STPG4: variants seen among roughly 807,000 people sequenced by gnomAD.
STPG4 encodes sperm-tail PG-rich repeat containing 4, also known as protein STPG4.
In STPG4, 41 loss-of-function variants were observed where a neutral mutation model predicts 31.5. The observed-to-expected ratio is 1.30, with a 90% CI of 1.01 to 1.69. The LOEUF (loss-of-function observed/expected upper bound fraction) is 1.69, where lower values mean the gene tolerates loss of function less well. Among genes scored for constraint, STPG4 ranks in the 40% most tolerant of loss-of-function variants. The probability of loss-of-function intolerance (pLI) is 0.00; values close to 1 mark genes in which losing one functional copy is unlikely to be tolerated. For missense variants in STPG4, 375 were observed against 293.4 expected (o/e 1.28, Z -2.03); for synonymous variants, 141 against 103.0 (o/e 1.37, Z -2.24).
intron 3 of STPG4, among the ~76,000 whole-genome samples, chr2:47,132,838 C>A (rs1573186093): frequency 6.6e-6 from 1 of 152,176 alleles, no homozygotes; most frequent in African/African-American, 2.4e-5. Flanking sequence ...GGGGAAAAAA[C>A]CTCTTAAAGC....
At chr2:47,126,815 G>A (rs772981501) in intron 5 of STPG4, among the ~76,000 whole-genome samples, 5 of 151,498 alleles carry the variant, frequency 3.3e-5, no homozygotes, top group South Asian at 2.1e-4. Flanking sequence ...TTTTTCTTTC[G>A]GCACTTTAAA....
chr2:47,091,878 GA>G (rs1685575969), intron 5 of STPG4, among the ~76,000 whole-genome samples: 1 of 151,864 alleles, frequency 6.6e-6, no homozygotes, highest in South Asian at 2.1e-4. Context: ...TTCCAAAAGT[GA>G]AAACTGGGAA....
At chr2:47,146,809 A>C (rs562515547) in intron 3 of STPG4, among the ~76,000 whole-genome samples, 3 of 151,692 alleles carry the variant, frequency 2.0e-5, no homozygotes, top group Non-Finnish European at 2.9e-5. Context: ...AAAACCAAAA[A>C]TGAGGATAGG....
intron 5 of STPG4, among the ~76,000 whole-genome samples, chr2:47,125,736 T>TC (rs1686352782): frequency 6.6e-6 from 1 of 151,838 alleles, no homozygotes; most frequent in Non-Finnish European, 1.5e-5. Context: ...TTTTTTTTTT[T>TC]TAACTAGAGA....
intron 6 of STPG4, among the ~76,000 whole-genome samples, chr2:47,089,426 G>A (rs942673382): frequency 6.6e-6 from 1 of 152,148 alleles, no homozygotes; most frequent in African/African-American, 2.4e-5. Context: ...GAGGTGATTT[G>A]CAGCCCAGGC....
intron 5 of STPG4, among the ~76,000 whole-genome samples, chr2:47,091,068 T>TTCTAAAAATTAA (rs1352695969): frequency 7.0e-6 from 1 of 143,034 alleles, no homozygotes; most frequent in Non-Finnish European, 1.5e-5. Context: ...GGGAAGGGGG[T>TTCTAAAAATTAA]TCTAAAAATT....
chr2:47,146,586 G>A (rs1686825152), intron 3 of STPG4, among the ~76,000 whole-genome samples: 1 of 147,036 alleles, frequency 6.8e-6, no homozygotes, highest in Non-Finnish European at 1.5e-5. Context: ...AAAAGGAATT[G>A]GATATACAAG....
At chr2:47,151,930 T>G (rs922878117) in intron 2 of STPG4, among the ~76,000 whole-genome samples, 5 of 151,636 alleles carry the variant, frequency 3.3e-5, no homozygotes, top group African/African-American at 9.7e-5. Flanking sequence ...TTTTTTTTTT[T>G]TTTTTTGTAT....
rs778161731 is a variant in STPG4 at position 47,151,330 on chromosome 2, C to G, written c.327G>C (p.Lys109Asn). 2.0e-5 allele frequency: 33 copies of G among 1,614,040 alleles called. No individual in the cohort carries two copies. The highest frequency in any genetic ancestry group is 2.7e-5 in the Non-Finnish European group (32 of 1,180,010). ...YMPPDFLDLL[K>N]KQVATYSFKD... The stretch of plus-strand genomic sequence containing the variant: ...TGAATGAGTAAGTAGCCACTTGCTT[C>G]TTTAACAGGTCCAGGAAGTCAGGAG... Residue 109 changes from lysine (K) to asparagine (N), a missense_variant, in exon 3 of 7, where the codon AAG (lysine) becomes AAC (asparagine). Lys to Asn is a moderately conservative substitution (Grantham distance 94). Coordinates refer to ENST00000445927, the MANE Select transcript of STPG4 (RefSeq NM_001163561.2).
chr2:47,099,753 G>A (rs186593944), intron 5 of STPG4, among the ~76,000 whole-genome samples: 21 of 152,358 alleles, frequency 1.4e-4, no homozygotes, highest in Admixed American at 3.9e-4. Context: ...AGTGGGAACC[G>A]GGGCTGCGCG....
intron 3 of STPG4, among the ~76,000 whole-genome samples, chr2:47,136,065 A>G (rs577124233): frequency 6.6e-6 from 1 of 152,336 alleles, no homozygotes; most frequent in Non-Finnish European, 1.5e-5. Context: ...TTAAAGATCA[A>G]ATTGGGAAGA....
At chr2:47,139,619 G>A (rs1371123904) in intron 3 of STPG4, among the ~76,000 whole-genome samples, 1 of 151,956 alleles carries the variant, frequency 6.6e-6, no homozygotes, top group South Asian at 2.1e-4. Flanking sequence ...GAAGTTATTT[G>A]CTTCTTTGAA....
At chr2:47,100,787 C>G (rs139695681) in intron 5 of STPG4, among the ~76,000 whole-genome samples, 2 of 151,456 alleles carry the variant, frequency 1.3e-5, no homozygotes, top group Admixed American at 6.6e-5. Context: ...ACACTCACCA[C>G]GAAAGTCTGC....
At chr2:47,149,238 C>G (rs1219885270) in intron 3 of STPG4, among the ~76,000 whole-genome samples, 2 of 152,214 alleles carry the variant, frequency 1.3e-5, no homozygotes, top group Non-Finnish European at 2.9e-5. Flanking sequence ...TTTTATCCAT[C>G]CTTCCGAGTA....
chr2:47,112,563 G>T (rs898041199), intron 5 of STPG4, among the ~76,000 whole-genome samples: 1 of 152,166 alleles, frequency 6.6e-6, no homozygotes, highest in Non-Finnish European at 1.5e-5. Context: ...GTGCCTGTTT[G>T]TATCTTTTAT....
At chr2:47,142,166 T>G (rs1387298179) in intron 3 of STPG4, among the ~76,000 whole-genome samples, 1 of 151,660 alleles carries the variant, frequency 6.6e-6, no homozygotes, top group Non-Finnish European at 1.5e-5. Context: ...TTTTTCAACC[T>G]CTCTCTCAAC....
intron 5 of STPG4, among the ~76,000 whole-genome samples, chr2:47,126,907 T>A (rs1686377232): frequency 6.6e-6 from 1 of 152,190 alleles, no homozygotes; most frequent in East Asian, 1.9e-4. Context: ...CATTGTATGT[T>A]ATTTACTTCT....
At chr2:47,123,076 T>C (rs549419438) in intron 5 of STPG4, among the ~76,000 whole-genome samples, 1 of 152,330 alleles carries the variant, frequency 6.6e-6, no homozygotes, top group Admixed American at 6.5e-5. Context: ...TGCGCCTGCC[T>C]CAGCCTTCCA....
Position 47,151,312 on chromosome 2 carries a change from G to A in STPG4, c.345C>T (p.Tyr115=), listed in dbSNP as rs1278801472. The change falls in exon 3 of 7, where the codon TAC becomes TAT. Residue 115 remains tyrosine, a synonymous_variant. Transcript: ENST00000445927. ...TTGGCCGTGGTTTGTCTTTGAATGA[G>A]TAAGTAGCCACTTGCTTCTTTAACA... The part of the protein sequence containing the change: ...LDLLKKQVAT[Y]SFKDKPRPSP... The A allele has an allele frequency of 3.1e-6, 5 of 1,614,210 alleles. No individual in the cohort carries two copies. The highest frequency in any genetic ancestry group is 2.7e-5 in the African/African-American group (2 of 75,042).
Sources: allele counts gnomAD v4.1 joint callset (sites outside exome capture counted in the v4.1 genomes callset), GRCh38; gene constraint gnomAD v4.1.1; transcripts MANE v1.5; gene names NCBI Gene and HGNC (gene_info 2026-07-23, HGNC 2026-07-21).